The following DROSHA variants were observed in gnomAD, a reference collection of about 807,000 sequenced individuals.
DROSHA encodes the protein ribonuclease 3.
In DROSHA, 56 loss-of-function variants were observed where a neutral mutation model predicts 181.9. The observed-to-expected ratio is 0.31, with a 90% confidence interval of 0.25 to 0.38. The LOEUF is 0.38. DROSHA is among the 10% of genes least tolerant of loss of function. The probability of loss-of-function intolerance (pLI) is 1.00; values close to 1 mark genes in which losing one functional copy is unlikely to be tolerated. For missense variants in DROSHA, 1,218 were observed against 1,743.5 expected (o/e 0.70, Z 5.37); for synonymous variants, 524 against 591.2 (o/e 0.89, Z 1.65).
intron 23 of DROSHA, among the ~76,000 whole-genome samples, chr5:31,437,875 T>A (rs549981694): frequency 1.5e-3 from 229 of 152,170 alleles, no homozygotes; most frequent in Middle Eastern, 3.4e-3. Flanking sequence ...GTGTGCCTCT[T>A]CAGGCCAAGC....
At chr5:31,525,971 A>C in intron 5 of DROSHA, 108 bp downstream of exon 5, 10 of 1,108,018 alleles carry the variant, frequency 9.0e-6, no homozygotes, top group Non-Finnish European at 1.3e-5. Flanking sequence ...CTTTCCTTAC[A>C]TAAATCAAGA....
intron 25 of DROSHA, among the ~76,000 whole-genome samples, chr5:31,434,490 G>A (rs918015074): frequency 5.3e-5 from 8 of 152,154 alleles, no homozygotes; most frequent in Non-Finnish European, 8.8e-5. Context: ...TTTTCATTAA[G>A]ACATCAATAT....
chr5:31,512,081 C>T (rs1738757252), intron 8 of DROSHA, among the ~76,000 whole-genome samples: 2 of 152,120 alleles, frequency 1.3e-5, no homozygotes, highest in African/African-American at 4.8e-5. Context: ...CACTCAATTT[C>T]CAGGTTGAAA....
At chr5:31,509,805 T>G (rs1207183949) in intron 9 of DROSHA, among the ~76,000 whole-genome samples, 1 of 152,150 alleles carries the variant, frequency 6.6e-6, no homozygotes. Context: ...TACTACATGA[T>G]TCCACATATA....
intron 6 of DROSHA, 57 bp from the exon 7 acceptor site, chr5:31,515,621 A>G: frequency 1.3e-6 from 2 of 1,545,718 alleles, no homozygotes; most frequent in Non-Finnish European, 1.7e-6. Context: ...GGACAATTTC[A>G]GCAATGAGAA....
intron 16 of DROSHA, among the ~76,000 whole-genome samples, chr5:31,473,769 G>A (rs981799925): frequency 1.3e-5 from 2 of 152,222 alleles, no homozygotes; most frequent in Non-Finnish European, 2.9e-5. Flanking sequence ...CAGTCTGGAA[G>A]AGGAGAAGAA....
rs150912835 is a variant in DROSHA, at chr5:31,424,688, A to G, written c.3217-217T>C. Among the ~76,000 whole-genome samples the G allele has an allele frequency of 5.7e-4, 87 of 152,128 alleles. 2 individuals carry two copies. In the East Asian group the frequency reaches 6.9e-3, roughly 12 times the overall value. ...TAATTAGCCTATTAAGCTACGGGGG[A>G]AAAGAGCCTCCTCTAGTCCCAGAAG... is the stretch of plus-strand genomic sequence containing the variant. On this transcript the variant is annotated intron_variant, in intron 27 of 35. Transcript: ENST00000344624.
chr5:31,526,134 A>T lies in DROSHA; in HGVS notation c.799T>A (p.Ser267Thr), dbSNP rs757886642. ...GGTGTTCTCCCTCGGTCATAATCAG[A>T]TCTGTACCGGCTGTCTTGTCTTCTC... ...DRRRQDSRYR[S>T]DYDRGRTPSR... is the part of the protein sequence containing the mutation. Residue 267 changes from serine (S) to threonine (T), a missense_variant, in exon 5 of 36, where the codon TCT becomes ACT. Transcript: ENST00000344624. 3 of 1,613,154 alleles carry T rather than the reference A, an allele frequency of 1.9e-6. No homozygotes were observed. In the African/African-American group the frequency reaches 4.0e-5, roughly 22 times the overall value.
intron 16 of DROSHA, among the ~76,000 whole-genome samples, chr5:31,479,071 A>G (rs953328998): frequency 5.9e-5 from 9 of 152,206 alleles, no homozygotes; most frequent in Non-Finnish European, 1.0e-4. Context: ...ATAAAATGCT[A>G]AGTATGCATC....
At chr5:31,413,033 A>T (rs1236655062) in intron 30 of DROSHA, among the ~76,000 whole-genome samples, 1 of 151,702 alleles carries the variant, frequency 6.6e-6, no homozygotes, top group Non-Finnish European at 1.5e-5. Context: ...CCTCAGATAC[A>T]ACAAGCCCAA....
chr5:31,433,646 G>A (rs1032343124), intron 25 of DROSHA, among the ~76,000 whole-genome samples: 2 of 152,044 alleles, frequency 1.3e-5, no homozygotes, highest in African/African-American at 4.8e-5. Flanking sequence ...CAGGGTTCAC[G>A]CCATTCTCCT....
intron 12 of DROSHA, among the ~76,000 whole-genome samples, 192 bp from the exon 13 acceptor site, chr5:31,493,485 T>C (rs1752626256): frequency 6.6e-6 from 1 of 152,226 alleles, no homozygotes; most frequent in Non-Finnish European, 1.5e-5. Flanking sequence ...ATTTACGTAC[T>C]TAGACAATGA....
chr5:31,446,735 T>C (rs1746351431), intron 23 of DROSHA, among the ~76,000 whole-genome samples: 1 of 148,360 alleles, frequency 6.7e-6, no homozygotes, highest in South Asian at 2.1e-4. Flanking sequence ...CCTTCAGTGA[T>C]AGACTACATA....
intron 14 of DROSHA, among the ~76,000 whole-genome samples, chr5:31,485,739 G>A (rs1751661858): frequency 6.6e-6 from 1 of 151,432 alleles, no homozygotes; most frequent in Non-Finnish European, 1.5e-5. Flanking sequence ...TGCTCAGAAT[G>A]AAACAGGTGC....
intron 5 of DROSHA, 118 bp downstream of exon 5, chr5:31,525,961 C>A (rs1411349199): frequency 9.6e-7 from 1 of 1,038,356 alleles, no homozygotes; most frequent in Non-Finnish European, 1.4e-6. Context: ...AATGTGCTTC[C>A]TTTCCTTACA....
At chr5:31,418,528 C>T (rs928254026) in intron 30 of DROSHA, among the ~76,000 whole-genome samples, 1 of 152,170 alleles carries the variant, frequency 6.6e-6, no homozygotes, top group Non-Finnish European at 1.5e-5. Context: ...GTTGGCCTCC[C>T]AAAGTGCTGG....
chr5:31,431,643 G>A lies in DROSHA; in HGVS notation c.3078C>T (p.His1026=), dbSNP rs775162817. The A allele has an allele frequency of 3.0e-5, 49 of 1,613,814 alleles. No homozygotes were observed. Among genetic ancestry groups the A allele is most frequent in the African/African-American group, 1.3e-4 (10 of 74,904 alleles). ...CCGATTCTCTACAAAGGTCAGGCCC[G>A]TGAGCATACAGCATAAATCGATCCA... The part of the protein sequence containing the change: ...LELDRFMLYA[H]GPDLCRESDL... The change falls in exon 26 of 36, where the codon CAC becomes CAT. Residue 1026 remains histidine, a synonymous_variant. Transcript: ENST00000344624.
intron 11 of DROSHA, among the ~76,000 whole-genome samples, chr5:31,501,640 T>C (rs964917245): frequency 6.6e-6 from 1 of 151,214 alleles, no homozygotes; most frequent in Non-Finnish European, 1.5e-5. Flanking sequence ...TACCACAAAC[T>C]TAACCAAGCA....
intron 5 of DROSHA, among the ~76,000 whole-genome samples, chr5:31,522,775 A>G (rs1740039295): frequency 6.6e-6 from 1 of 152,218 alleles, no homozygotes; most frequent in Non-Finnish European, 1.5e-5. Flanking sequence ...AGCCCAGGGC[A>G]CACATCCTTA....
Sources: gnomAD v4.1 joint callset for allele counts (sites outside exome capture counted in the v4.1 genomes callset) on GRCh38, gnomAD v4.1.1 for gene constraint, MANE v1.5 for transcripts, NCBI Gene and HGNC (gene_info 2026-07-23, HGNC 2026-07-21) for gene names.